The following TNXB variants were observed in gnomAD, a reference collection of about 807,000 sequenced individuals.
The protein encoded by TNXB is tenascin-X.
Under a neutral mutation model 340.5 loss-of-function variants are expected in TNXB, and 183 were observed. The observed-to-expected ratio is 0.54, with a 90% CI of 0.48 to 0.61. TNXB has a LOEUF of 0.61. Ranked by LOEUF, TNXB falls within the 20% of genes least tolerant of loss-of-function variation. The pLI is 0.00. For missense variants in TNXB, 4,613 were observed against 5,446.4 expected, an observed-to-expected ratio of 0.85 and a Z score of 4.82; for synonymous variants, 2,121 against 2,314.5, an observed-to-expected ratio of 0.92 and a Z score of 2.40.
Position 32,056,740 on chromosome 6 carries a change from C to G in TNXB, c.7989G>C (p.Arg2663Ser). The G allele has an allele frequency of 6.2e-7, 1 of 1,613,336 alleles. No individual in the cohort carries two copies. Among genetic ancestry groups the G allele is most frequent in the Non-Finnish European group, 8.5e-7 (1 of 1,179,862 alleles). ...CCGCCTTGGGCTGCCCATCCCCATTCCTGTACTGGACCAGGAAGTGGTCAA... is the reference window on the plus strand; with the variant it reads ...CCGCCTTGGGCTGCCCATCCCCATTGCTGTACTGGACCAGGAAGTGGTCAA... Reference protein sequence around the residue: ...GQFDHFLVQYRNGDGQPKAVR... With the variant: ...GQFDHFLVQYSNGDGQPKAVR... Residue 2663 changes from arginine (R) to serine (S), a missense_variant, in exon 23 of 44, where the codon AGG (arginine) becomes AGC (serine). Physicochemically the swap from Arg to Ser is moderately radical, Grantham distance 110 (BLOSUM62 -1). Around this residue, in one of 7 missense-constraint regions of TNXB, gnomAD observed 4,327 missense variants for 4,859.4 expected, o/e 0.89. Transcript: ENST00000644971.
rs1779299142 is a variant in TNXB at position 32,079,274 on chromosome 6, C to T, written c.4134G>A (p.Leu1378=). 1.2e-6 allele frequency: 2 copies of T among 1,613,310 alleles called. No individual in the cohort carries two copies. The highest frequency in any genetic ancestry group is 2.2e-5 in the East Asian group (1 of 44,876). The change falls in exon 11 of 44, where the codon CTG becomes CTA. Residue 1378 remains leucine, a synonymous_variant. Coordinates refer to ENST00000644971, the MANE Select transcript of TNXB (RefSeq NM_001365276.2). The surrounding 1 kb of genome is among the most constrained non-coding windows in gnomAD (Gnocchi z 7.1). ...ESPEEPLLGE[L]TVTGSSPDSL... ...AATCAGGGGAGGATCCTGTCACTGT[C>T]AGCTCCCCCAGGAGCGGCTCCTCGG...
chr6:32,089,331 A>G lies in TNXB; in HGVS notation c.2407T>C (p.Ser803Pro). ...PFTARVPSSASAYDQRGLAPG... is the reference protein window; with the variant it reads ...PFTARVPSSAPAYDQRGLAPG... ...GCCAGTCCTCTCTGGTCATAGGCTG[A>G]GGCAGAGCTTGGAACCCGTGCTGTG... Residue 803 changes from serine (S) to proline (P), a missense_variant, in exon 5 of 44, where the codon TCA becomes CCA. Coordinates refer to ENST00000644971, the MANE Select transcript of TNXB (RefSeq NM_001365276.2). This position sits in a 1 kb window ranked among gnomAD's most constrained non-coding sequence, Gnocchi z 6.2. The G allele has an allele frequency of 3.7e-6, 6 of 1,608,320 alleles. No homozygotes were observed. Among genetic ancestry groups the G allele is most frequent in the South Asian group, 1.1e-5 (1 of 89,776 alleles).
chr6:32,065,220 A>C, intron 18 of TNXB, 103 bp from the exon 19 acceptor site: 1 of 1,041,850 alleles, frequency 9.6e-7, no homozygotes, highest in Non-Finnish European at 1.4e-6. Flanking sequence ...TCTGGCCCTA[A>C]CTTAAGATCG....
rs928751922 is a variant in TNXB, at chr6:32,097,257, C to G, written c.596G>C (p.Arg199Pro). 1.2e-6 allele frequency: 2 copies of G among 1,611,348 alleles called. No homozygotes were observed. The highest frequency in any genetic ancestry group is 1.7e-5 in the Admixed American group (1 of 59,480). The change falls in exon 3 of 44, where the codon CGT becomes CCT. Residue 199 changes from arginine to proline, a missense_variant. Arg to Pro is a moderately radical substitution (Grantham distance 103, BLOSUM62 -2). Coordinates refer to ENST00000644971, the MANE Select transcript of TNXB (RefSeq NM_001365276.2). The surrounding 1 kb of genome is among the most constrained non-coding windows in gnomAD (Gnocchi z 5.9). ...DDCNDQGRCVRGRCVCFPGYT... is the reference protein window; with the variant it reads ...DDCNDQGRCVPGRCVCFPGYT... ...GCCGGGAAAGCACACGCAACGACCA[C>G]GGACACAGCGACCCTGATCATTGCA...
chr6:32,078,988 C>G (rs1189817139), intron 11 of TNXB, 45 bp downstream of exon 11: 1 of 1,569,806 alleles, frequency 6.4e-7, no homozygotes, highest in South Asian at 1.1e-5. Context: ...AAGCTGGGAG[C>G]CAGCAGTGGG....
Position 32,049,668 on chromosome 6 carries a change from A to C in TNXB, c.9440-81T>G. ...AAAGGAGGGAGAAGCCAAGGCTATGACTGGGGGACCTGAGGTCATTTCAGA... is the reference window on the plus strand; with the variant it reads ...AAAGGAGGGAGAAGCCAAGGCTATGCCTGGGGGACCTGAGGTCATTTCAGA... On this transcript the variant is annotated intron_variant, in intron 27 of 43. Coordinates refer to ENST00000644971, the MANE Select transcript of TNXB (RefSeq NM_001365276.2). The surrounding 1 kb of genome is among the most constrained non-coding windows in gnomAD (Gnocchi z 4.5). 1.4e-6 allele frequency: 2 copies of C among 1,475,884 alleles called. No individual in the cohort carries two copies. Among genetic ancestry groups the C allele is most frequent in the Admixed American group, 2.1e-5 (1 of 48,316 alleles). 91.4% of individuals were successfully genotyped at this position (1,475,884 alleles called of 1,614,324 possible).
Position 32,058,103 on chromosome 6 carries a change from G to T in TNXB, c.7780C>A (p.His2594Asn). 1 of 1,612,162 alleles carries T rather than the reference G, an allele frequency of 6.2e-7. No individual in the cohort carries two copies. The highest frequency in any genetic ancestry group is 1.1e-5 in the South Asian group (1 of 91,050). The change falls in exon 22 of 44, where the codon CAC (histidine) becomes AAC (asparagine). Residue 2594 changes from histidine to asparagine, a missense_variant. His to Asn is a moderately conservative substitution (Grantham distance 68). This residue lies in a region of TNXB where 4,327 missense variants were observed against 4,859.4 expected (regional missense o/e 0.89). Coordinates refer to ENST00000644971, the MANE Select transcript of TNXB (RefSeq NM_001365276.2). The surrounding 1 kb of genome is among the most constrained non-coding windows in gnomAD (Gnocchi z 5.1). ...RKYKMHLYGL[H>N]EGRRLGPVSA... ...ACCGGGCCCAGGCGCCGCCCCTCGTGGAGGCCGTACAGGTGCATCTTGTAC... is the reference window on the plus strand; with the variant it reads ...ACCGGGCCCAGGCGCCGCCCCTCGTTGAGGCCGTACAGGTGCATCTTGTAC...
rs371288957 is a variant in TNXB at position 32,090,845 on chromosome 6, C to G, written c.2359-1466G>C. Among the ~76,000 whole-genome samples, 1 of 152,136 alleles carries G rather than the reference C, an allele frequency of 6.6e-6. No homozygotes were observed. The highest frequency in any genetic ancestry group is 1.9e-4 in the East Asian group (1 of 5,198). On this transcript the variant is annotated intron_variant, in intron 4 of 43. Coordinates refer to ENST00000644971, the MANE Select transcript of TNXB (RefSeq NM_001365276.2). This position sits in a 1 kb window ranked among gnomAD's most constrained non-coding sequence, Gnocchi z 4.3. Reference sequence around the variant, plus strand: ...CCCAGAATTTATTTGTTCATTTTCTCTGTGTGTGTGTATGTCTCTTTCTCT... The same window carrying G: ...CCCAGAATTTATTTGTTCATTTTCTGTGTGTGTGTGTATGTCTCTTTCTCT...
intron 1 of TNXB, among the ~76,000 whole-genome samples, chr6:32,103,248 C>G (rs1459979302): frequency 6.6e-6 from 1 of 151,540 alleles, no homozygotes; most frequent in Non-Finnish European, 1.5e-5. Flanking sequence ...TGCTGAAACC[C>G]CGTCTCTACT....
At chr6:32,054,158 C>T (rs957779472) in intron 24 of TNXB, among the ~76,000 whole-genome samples, 2 of 152,120 alleles carry the variant, frequency 1.3e-5, no homozygotes, top group South Asian at 2.1e-4. Context: ...ACCTCTCCCC[C>T]GAGTTTCCCT....
chr6:32,078,093 AAG>A (rs1481023945), intron 11 of TNXB, among the ~76,000 whole-genome samples: 1 of 134,898 alleles, frequency 7.4e-6, no homozygotes, highest in African/African-American at 3.0e-5. Flanking sequence ...GAAAGAAAGA[AAG>A]AAAGAAAGAA....
At position 32,075,852 on chromosome 6, in the gene TNXB, T is replaced by C. The variant is rs1779053138; in HGVS notation, c.4376-1900A>G. Among the ~76,000 whole-genome samples the C allele has an allele frequency of 6.6e-6, 1 of 151,976 alleles. No homozygotes were observed. The highest frequency in any genetic ancestry group is 1.5e-5 in the Non-Finnish European group (1 of 67,982). Reference sequence around the variant, plus strand: ...CCAAGAGGCAAAATGGCAGAGAAGGTGGCTGGATGGGTGGGGCTCCCAAGA... The same window carrying C: ...CCAAGAGGCAAAATGGCAGAGAAGGCGGCTGGATGGGTGGGGCTCCCAAGA... On this transcript the variant is annotated intron_variant, in intron 11 of 43. Coordinates refer to ENST00000644971, the MANE Select transcript of TNXB (RefSeq NM_001365276.2). The surrounding 1 kb of genome is among the most constrained non-coding windows in gnomAD (Gnocchi z 4.6).
chr6:32,100,949 G>A (rs1780687036), intron 1 of TNXB, among the ~76,000 whole-genome samples: 1 of 151,266 alleles, frequency 6.6e-6, no homozygotes, highest in Non-Finnish European at 1.5e-5. Context: ...GCGTGGTAGC[G>A]GGCACCTGTA....
At chr6:32,106,140 G>C (rs570364877) in intron 1 of TNXB, among the ~76,000 whole-genome samples, 2 of 151,136 alleles carry the variant, frequency 1.3e-5, no homozygotes, top group East Asian at 2.0e-4. Context: ...ATGGGGGGGG[G>C]GGCTTCTGGG....
At position 32,052,978 on chromosome 6, in the gene TNXB, G is replaced by A; in HGVS notation, c.8807C>T (p.Thr2936Ile). ...VIGVTAAEEETPAPTEPSTEA... is the reference protein window; with the variant it reads ...VIGVTAAEEEIPAPTEPSTEA... ...CGTGCTGGGTTCTGTGGGGGCGGGA[G>A]TTTCTTCCTCTGCAGCTGAGAAGAG... The change falls in exon 26 of 44, where the codon ACT becomes ATT. Residue 2936 changes from threonine (T) to isoleucine (I), a missense_variant. By Grantham distance (89) the Thr-to-Ile change is moderately conservative. Coordinates refer to ENST00000644971, the MANE Select transcript of TNXB (RefSeq NM_001365276.2). The surrounding 1 kb of genome is among the most constrained non-coding windows in gnomAD (Gnocchi z 4.7). 1 of 1,611,178 alleles carries A rather than the reference G, an allele frequency of 6.2e-7. No homozygotes were observed. Among genetic ancestry groups the A allele is most frequent in the Non-Finnish European group, 8.5e-7 (1 of 1,178,988 alleles).
In TNXB at chr6:32,097,835, TGCAC is replaced by T; in HGVS notation, c.360_363del (p.Cys121LeufsTer30). On this transcript the variant is annotated frameshift_variant, in exon 2 of 44. Coordinates refer to ENST00000644971, the MANE Select transcript of TNXB (RefSeq NM_001365276.2). LOFTEE classifies it high-confidence loss of function. The surrounding 1 kb of genome is among the most constrained non-coding windows in gnomAD (Gnocchi z 5.9). ...GCAGAGGCAGGACAACATCCCCCAG[TGCAC>T]TGTTCCTTGAGCCCCTTCACCAACT... 6.6e-7 allele frequency: 1 copy of T among 1,522,776 alleles called. No individual in the cohort carries two copies. Among genetic ancestry groups the T allele is most frequent in the East Asian group, 2.3e-5 (1 of 43,816 alleles). The allele number at this position is 1,522,776 out of a possible 1,614,324, so 94.3% of individuals were successfully genotyped here.
chr6:32,053,278 T>TCCATG (rs1777407028), intron 25 of TNXB, 110 bp downstream of exon 25: 57 of 1,482,294 alleles, frequency 3.8e-5, no homozygotes, highest in Middle Eastern at 2.4e-4. Flanking sequence ...GACAAAAAAG[T>TCCATG]ACCATGGCTC....
Position 32,089,363 on chromosome 6 carries a change from G to A in TNXB, c.2375C>T (p.Pro792Leu), listed in dbSNP as rs1779976480. 2 of 1,607,082 alleles carry A rather than the reference G, an allele frequency of 1.2e-6. No individual in the cohort carries two copies. The highest frequency in any genetic ancestry group is 1.7e-6 in the Non-Finnish European group (2 of 1,177,870). The change falls in exon 5 of 44, where the codon CCC becomes CTC. Residue 792 changes from proline (P) to leucine (L), a missense_variant. By Grantham distance (98) the Pro-to-Leu change is moderately conservative. This residue lies in a region of TNXB where 4,327 missense variants were observed against 4,859.4 expected (regional missense o/e 0.89). Transcript: ENST00000644971. The surrounding 1 kb of genome is among the most constrained non-coding windows in gnomAD (Gnocchi z 6.2). The stretch of plus-strand genomic sequence containing the variant: ...GCTTGGAACCCGTGCTGTGAATGGG[G>A]GGCTCGCCCCCTCTGTCTGTGAGAG... ...QFIPTTEGAS[P>L]PFTARVPSSA... is the part of the protein sequence containing the mutation.
chr6:32,052,355 G>A lies in TNXB; in HGVS notation c.9115+315C>T, dbSNP rs1355417232. Among the ~76,000 whole-genome samples the A allele has an allele frequency of 6.6e-6, 1 of 152,012 alleles. No individual in the cohort carries two copies. The highest frequency in any genetic ancestry group is 1.5e-5 in the Non-Finnish European group (1 of 67,988). On this transcript the variant is annotated intron_variant, in intron 26 of 43. Transcript: ENST00000644971. The surrounding 1 kb of genome is among the most constrained non-coding windows in gnomAD (Gnocchi z 4.7). ...AGTCCCAGTTACTCAGGAGGCTGAG[G>A]TAGGAGAATCACTTGAACCCAGGAG...
Sources: gnomAD v4.1 joint callset for allele counts (sites outside exome capture counted in the v4.1 genomes callset) on GRCh38, gnomAD v4.1.1 for gene constraint, gnomAD v4.1.1 regional missense constraint, Gnocchi (gnomAD v3.1) non-coding constraint, MANE v1.5 for transcripts, NCBI Gene and HGNC (gene_info 2026-07-23, HGNC 2026-07-21) for gene names.